The following LTBP1 variants were observed in gnomAD, a reference collection of about 807,000 sequenced individuals.
LTBP1 encodes latent transforming growth factor beta binding protein 1, also known as latent-transforming growth factor beta-binding protein 1.
In LTBP1, 129 loss-of-function variants were observed where a neutral mutation model predicts 207.6. The ratio of observed to expected loss-of-function variants is 0.62; its 90% CI spans 0.54 to 0.72. The LOEUF is 0.72. LTBP1 is among the 30% of genes least tolerant of loss of function. The pLI is 0.00. For missense variants in LTBP1, 2,281 were observed against 2,217.2 expected (o/e 1.03, Z -0.58); for synonymous variants, 963 against 833.7 (o/e 1.16, Z -2.67).
At chr2:33,090,879 C>A (rs878904861) in intron 3 of LTBP1, among the ~76,000 whole-genome samples, 3 of 152,188 alleles carry the variant, frequency 2.0e-5, no homozygotes, top group African/African-American at 7.2e-5. Flanking sequence ...AAAGGATTAC[C>A]TTGTTGAGTC....
At chr2:33,389,950 T>A (rs2095301365) in intron 32 of LTBP1, among the ~76,000 whole-genome samples, 1 of 152,206 alleles carries the variant, frequency 6.6e-6, no homozygotes, top group Non-Finnish European at 1.5e-5. Context: ...TCATTATAAT[T>A]TCTATAACAA....
chr2:33,050,023 G>A (rs889930056), intron 3 of LTBP1, among the ~76,000 whole-genome samples: 1 of 151,840 alleles, frequency 6.6e-6, no homozygotes, highest in Non-Finnish European at 1.5e-5. Context: ...TACAAATTTT[G>A]TGTAGAGCCA....
intron 24 of LTBP1, among the ~76,000 whole-genome samples, chr2:33,341,494 G>C (rs2094620030): frequency 6.6e-6 from 1 of 151,766 alleles, no homozygotes; most frequent in South Asian, 2.1e-4. Context: ...GGCAGATCAC[G>C]AGGTCAGGAG....
At chr2:33,360,307 G>C (rs2094912891) in intron 26 of LTBP1, among the ~76,000 whole-genome samples, 1 of 152,108 alleles carries the variant, frequency 6.6e-6, no homozygotes, top group Admixed American at 6.6e-5. Context: ...AAGGAGATAT[G>C]GAAACTCTAC....
At chr2:33,255,595 A>G (rs982910484) in intron 11 of LTBP1, among the ~76,000 whole-genome samples, 5 of 152,230 alleles carry the variant, frequency 3.3e-5, no homozygotes, top group African/African-American at 1.2e-4. Context: ...ATGTCCAACA[A>G]TGATAGACTG....
chr2:33,060,189 C>CTT lies in LTBP1; in HGVS notation c.863+38984_863+38985insTT, dbSNP rs371285308. On this transcript the variant is annotated intron_variant, in intron 3 of 33. Transcript: ENST00000404816. ...ACCAGGGATTATTTAAGTTAGCTTA[C>CTT]TCTGTTGCAGGCTGGGATGAGAGTT... is the stretch of plus-strand genomic sequence containing the variant. Among the ~76,000 whole-genome samples the CTT allele has an allele frequency of 6.4e-4, 4 of 6,252 alleles. No homozygotes were observed. In the Non-Finnish European group the frequency reaches 0.12, roughly 195 times the overall value. The allele number at this position is 6,252 out of a possible 152,430, so 4.1% of individuals were successfully genotyped here.
At chr2:33,116,632 T>C (rs777121915) in intron 4 of LTBP1, among the ~76,000 whole-genome samples, 2 of 152,076 alleles carry the variant, frequency 1.3e-5, no homozygotes, top group Non-Finnish European at 2.9e-5. Flanking sequence ...GAAAGGCAGA[T>C]GTCATGTTTT....
At chr2:33,052,403 A>G (rs1009664563) in intron 3 of LTBP1, among the ~76,000 whole-genome samples, 1 of 152,256 alleles carries the variant, frequency 6.6e-6, no homozygotes, top group Non-Finnish European at 1.5e-5. Context: ...ACATATTTAA[A>G]CATCATCTCT....
In LTBP1 at chr2:33,049,386, T is replaced by C. The variant is rs565897058; in HGVS notation, c.863+28180T>C. On this transcript the variant is annotated intron_variant, in intron 3 of 33. Coordinates refer to ENST00000404816, the MANE Select transcript of LTBP1 (RefSeq NM_206943.4). ...AGATTGAAATATGAGTGTTATGACT[T>C]TGTAAGTACATTTCTTCCATTTGCA... Among the ~76,000 whole-genome samples, 326 of 152,316 alleles carry C rather than the reference T, an allele frequency of 2.1e-3. 3 individuals carry two copies. The Middle Eastern group carries it at 0.024, about 11-fold the overall frequency.
Position 33,134,370 on chromosome 2 carries a change from G to T in LTBP1, c.1034-423G>T, listed in dbSNP as rs1158597279. 2.1e-6 allele frequency: 1 copy of T among 475,004 alleles called. No individual in the cohort carries two copies. Among genetic ancestry groups the T allele is most frequent in the Admixed American group, 2.4e-5 (1 of 42,070 alleles). The allele number at this position is 475,004 out of a possible 1,614,324, so 29.4% of individuals were successfully genotyped here. A position where few individuals can be genotyped will look rare whatever the true frequency, so the allele number is the denominator to read the frequency against. On this transcript the variant is annotated intron_variant, in intron 4 of 33. Transcript: ENST00000404816. The surrounding 1 kb of genome is among the most constrained non-coding windows in gnomAD (Gnocchi z 4.4). Reference sequence around the variant, plus strand: ...GAAACAGGGAAAGTATGCAAGTTGAGGACACAAGAGTTTATTCACCGCTAG... The same window carrying T: ...GAAACAGGGAAAGTATGCAAGTTGATGACACAAGAGTTTATTCACCGCTAG...
At position 33,315,160 on chromosome 2, in the gene LTBP1, A is replaced by C; in HGVS notation, c.3621A>C (p.Glu1207Asp). Residue 1207 changes from glutamate (E) to aspartate (D), a missense_variant, in exon 24 of 34, where the codon GAA becomes GAC. Physicochemically the swap from Glu to Asp is conservative, Grantham distance 45. Around this residue, in one of 3 missense-constraint regions of LTBP1, gnomAD observed 1,671 missense variants for 1,634.8 expected, o/e 1.02. Coordinates refer to ENST00000404816, the MANE Select transcript of LTBP1 (RefSeq NM_206943.4). ...NKTCQDINEC[E>D]HPGLCGPQGE... ...AAATTACAGATATTAATGAATGTGAACATCCAGGGCTCTGTGGTCCGCAAG... is the reference window on the plus strand; with the variant it reads ...AAATTACAGATATTAATGAATGTGACCATCCAGGGCTCTGTGGTCCGCAAG... 6.3e-7 allele frequency: 1 copy of C among 1,598,238 alleles called. No homozygotes were observed. Among genetic ancestry groups the C allele is most frequent in the Non-Finnish European group, 8.5e-7 (1 of 1,176,508 alleles).
At chr2:33,100,314 A>G (rs2079644465) in intron 3 of LTBP1, among the ~76,000 whole-genome samples, 2 of 152,128 alleles carry the variant, frequency 1.3e-5, no homozygotes, top group African/African-American at 4.8e-5. Flanking sequence ...CTGCTACTCC[A>G]GAATTGGCAT....
At chr2:33,118,729 G>T (rs564163508) in intron 4 of LTBP1, among the ~76,000 whole-genome samples, 2 of 152,304 alleles carry the variant, frequency 1.3e-5, no homozygotes, top group East Asian at 3.9e-4. Context: ...ATGATCTATT[G>T]CAAAGAAAAG....
At chr2:33,068,741 TTCAC>T (rs539595714) in intron 3 of LTBP1, among the ~76,000 whole-genome samples, 225 of 152,354 alleles carry the variant, frequency 1.5e-3, no homozygotes, top group African/African-American at 5.2e-3. Flanking sequence ...AATATCATTC[TTCAC>T]ATTAGGAGGC....
rs1467894019 is a variant in LTBP1 at position 33,397,261 on chromosome 2, A to G, written c.4963A>G (p.Thr1655Ala). Residue 1655 changes from threonine (T) to alanine (A), a missense_variant, in exon 33 of 34, where the codon ACG (threonine) becomes GCG (alanine). By Grantham distance (58) the Thr-to-Ala change is moderately conservative. This residue lies in a region of LTBP1 where 1,671 missense variants were observed against 1,634.8 expected (regional missense o/e 1.02). Transcript: ENST00000404816. ...TTGCTTTGATGGGTATCACTTGGAT[A>G]CGGCCAAGATGACCTGTGTCGGTAA... ...CDCFDGYHLD[T>A]AKMTCVDVNE... 1 of 1,614,148 alleles carries G rather than the reference A, an allele frequency of 6.2e-7. No homozygotes were observed. Among genetic ancestry groups the G allele is most frequent in the Non-Finnish European group, 8.5e-7 (1 of 1,179,978 alleles).
At chr2:33,260,181 G>A (rs2147948013) in intron 13 of LTBP1, among the ~76,000 whole-genome samples, 1 of 152,230 alleles carries the variant, frequency 6.6e-6, no homozygotes, top group South Asian at 2.1e-4. Context: ...ATTTTAGTAG[G>A]AAATGTAAAC....
chr2:33,207,784 A>T (rs114011068), intron 7 of LTBP1, among the ~76,000 whole-genome samples: 26 of 152,352 alleles, frequency 1.7e-4, no homozygotes, highest in Non-Finnish European at 3.1e-4. Flanking sequence ...AGCATATTTA[A>T]TGATCTAGTA....
Position 33,115,457 on chromosome 2 carries a change from T to TA in LTBP1, c.1033+4713dup, listed in dbSNP as rs540552081. On this transcript the variant is annotated intron_variant, in intron 4 of 33. Transcript: ENST00000404816. ...TTGCACAACCTGAAAACACTAAAAA[T>TA]AAAAAAACTGAATTATACACTTAAG... Among the ~76,000 whole-genome samples the TA allele has an allele frequency of 4.1e-3, 627 of 152,196 alleles. 3 individuals are homozygous for TA. Among genetic ancestry groups the TA allele is most frequent in the South Asian group, 0.015 (70 of 4,814 alleles).
rs116072714 is a variant in LTBP1, at chr2:32,967,713, A to G, written c.565+18768A>G. Among the ~76,000 whole-genome samples, 1,148 of 152,296 alleles carry G rather than the reference A, an allele frequency of 7.5e-3. 14 individuals are homozygous for G. The highest frequency in any genetic ancestry group is 0.025 in the African/African-American group (1,053 of 41,540). ...TGATTTTTACTCTTTTAAGTTTGTT[A>G]AGATGTGTTTTATGACCCAGAATGT... On this transcript the variant is annotated intron_variant, in intron 2 of 33. Transcript: ENST00000404816.
Sources: allele counts gnomAD v4.1 joint callset (sites outside exome capture counted in the v4.1 genomes callset), GRCh38; gene constraint gnomAD v4.1.1; regional missense constraint gnomAD v4.1.1; non-coding constraint Gnocchi (gnomAD v3.1); transcripts MANE v1.5; gene names NCBI Gene and HGNC (gene_info 2026-07-23, HGNC 2026-07-21).